The following CSMD2 variants were observed in gnomAD, a reference collection of about 807,000 sequenced individuals.
CSMD2 encodes CUB and Sushi multiple domains 2.
A neutral mutation model predicts 398.5 loss-of-function variants in CSMD2; 130 were observed. The ratio of observed to expected loss-of-function variants is 0.33; its 90% CI spans 0.28 to 0.38. The LOEUF (loss-of-function observed/expected upper bound fraction) is 0.38. Among genes scored for constraint, CSMD2 ranks in the 10% least tolerant of loss-of-function variants. CSMD2 has a pLI of 1.00. For synonymous variants in CSMD2, 1,828 were observed against 1,908.5 expected, an observed-to-expected ratio of 0.96 and a Z score of 1.10; for missense variants, 3,829 against 4,764.9, an observed-to-expected ratio of 0.80 and a Z score of 5.78.
At chr1:33,544,338 C>T (rs1402095935) in intron 57 of CSMD2, among the ~76,000 whole-genome samples, 2 of 149,156 alleles carry the variant, frequency 1.3e-5, no homozygotes, top group African/African-American at 2.5e-5. Context: ...AGGATGGTCT[C>T]GACCTCCTGA....
intron 12 of CSMD2, 89 bp downstream of exon 12, chr1:33,788,507 CAAAA>C (rs57878978): frequency 1.0e-3 from 546 of 520,320 alleles, no homozygotes; most frequent in East Asian, 1.9e-3. Flanking sequence ...GACTCCGTCT[CAAAA>C]AAAAAAAAAA....
chr1:34,060,509 G>A (rs59305409), intron 2 of CSMD2, among the ~76,000 whole-genome samples: 2 of 152,122 alleles, frequency 1.3e-5, no homozygotes, highest in South Asian at 2.1e-4. Context: ...CGGCAGCCTG[G>A]GGGGAGCTCT....
Position 34,164,401 on chromosome 1 carries a change from G to A in CSMD2, c.187+510C>T, listed in dbSNP as rs1004119491. Among the ~76,000 whole-genome samples, 2 of 152,018 alleles carry A rather than the reference G, an allele frequency of 1.3e-5. No homozygotes were observed. The highest frequency in any genetic ancestry group is 4.8e-5 in the African/African-American group (2 of 41,398). ...GCAGTCGGTTCCAGAGGGGGCACCGGTTTCAATTGGAGAAAATGGGCGGGG... is the reference window on the plus strand; with the variant it reads ...GCAGTCGGTTCCAGAGGGGGCACCGATTTCAATTGGAGAAAATGGGCGGGG... On this transcript the variant is annotated intron_variant, in intron 1 of 70. Coordinates refer to ENST00000373381, the MANE Select transcript of CSMD2 (RefSeq NM_001281956.2). This position sits in a 1 kb window ranked among gnomAD's most constrained non-coding sequence, Gnocchi z 6.2.
chr1:34,162,890 G>A (rs564722079), intron 1 of CSMD2, among the ~76,000 whole-genome samples: 2 of 152,216 alleles, frequency 1.3e-5, no homozygotes, highest in South Asian at 4.2e-4. Context: ...GAGAAGAAAA[G>A]AAAAGAAATG....
chr1:33,990,475 C>T (rs749769907), intron 3 of CSMD2, among the ~76,000 whole-genome samples: 2 of 152,108 alleles, frequency 1.3e-5, no homozygotes, highest in Non-Finnish European at 2.9e-5. Flanking sequence ...GCACGAAACA[C>T]ATTACTCTCC....
intron 6 of CSMD2, among the ~76,000 whole-genome samples, chr1:33,842,872 C>T (rs1660993619): frequency 6.6e-6 from 1 of 152,188 alleles, no homozygotes; most frequent in Non-Finnish European, 1.5e-5. Context: ...GCTTTAGACG[C>T]ATGGAAGTAG....
chr1:33,886,075 G>A (rs995331230), intron 5 of CSMD2, among the ~76,000 whole-genome samples: 1 of 152,128 alleles, frequency 6.6e-6, no homozygotes, highest in Non-Finnish European at 1.5e-5. Context: ...TCTTATGGTC[G>A]CTGATACTTA....
At position 33,514,283 on chromosome 1, in the gene CSMD2, T is replaced by A. The variant is rs1382702335; in HGVS notation, c.*2341A>T. ...ATAATGAAAAAAAAATTTACACCTT[T>A]TTTTTTTTCTTTTTTGGTACTGTAC... On this transcript the variant is annotated 3_prime_UTR_variant, in exon 71 of 71. Transcript: ENST00000373381. The A allele has an allele frequency of 2.0e-5, 3 of 151,662 alleles. 1 individual carries two copies. Among genetic ancestry groups the A allele is most frequent in the Admixed American group, 2.0e-4 (3 of 15,194 alleles). 9.4% of individuals were successfully genotyped at this position (151,662 alleles called of 1,614,324 possible). A position where few individuals can be genotyped will look rare whatever the true frequency, so the allele number is the denominator to read the frequency against.
At chr1:33,789,647 G>C (rs140519447) in intron 11 of CSMD2, among the ~76,000 whole-genome samples, 81 of 152,350 alleles carry the variant, frequency 5.3e-4, no homozygotes, top group African/African-American at 1.9e-3. Flanking sequence ...GCTTCACCCA[G>C]GGTCTCAGAG....
intron 22 of CSMD2, among the ~76,000 whole-genome samples, chr1:33,702,159 A>C (rs927301368): frequency 2.2e-4 from 34 of 152,216 alleles, no homozygotes; most frequent in African/African-American, 7.7e-4. Flanking sequence ...GTAAGTTACA[A>C]GGGGGAAAAG....
intron 2 of CSMD2, among the ~76,000 whole-genome samples, chr1:34,033,018 G>A (rs1650653862): frequency 6.6e-6 from 1 of 152,194 alleles, no homozygotes; most frequent in African/African-American, 2.4e-5. Context: ...GGTCCTGTGA[G>A]GCTCTGGGTA....
At chr1:33,587,224 G>A (rs1227235864) in intron 44 of CSMD2, 56 bp from the exon 45 acceptor site, 13 of 1,256,798 alleles carry the variant, frequency 1.0e-5, no homozygotes, top group South Asian at 4.1e-5. Context: ...CAGGTACACC[G>A]TCATTCATTT....
rs565124377 is a variant in CSMD2 at position 33,706,359 on chromosome 1, C to T, written c.3576+2730G>A. On this transcript the variant is annotated intron_variant, in intron 22 of 70. Transcript: ENST00000373381. ...ATTTCATTTTTCTGTGGTTTACCAT[C>T]TTCCGTTCATTGCCTCCATTCCATT... Among the ~76,000 whole-genome samples the T allele has an allele frequency of 7.9e-5, 12 of 152,260 alleles. No individual in the cohort carries two copies. The South Asian group carries it at 2.3e-3, about 29-fold the overall frequency.
At chr1:33,810,694 C>T in intron 10 of CSMD2, 49 bp downstream of exon 10, 1 of 1,584,244 alleles carries the variant, frequency 6.3e-7, no homozygotes, top group East Asian at 2.3e-5. Flanking sequence ...CAACTGTCCC[C>T]AACCTAGCCC....
At chr1:33,786,843 T>TCATTGTATGA (rs1653597516) in intron 12 of CSMD2, among the ~76,000 whole-genome samples, 1 of 152,212 alleles carries the variant, frequency 6.6e-6, no homozygotes, top group Non-Finnish European at 1.5e-5. Context: ...CCAGGAGACA[T>TCATTGTATGA]CATTGTATGA....
rs889757025 is a variant in CSMD2 at position 33,518,362 on chromosome 1, G to A, written c.*53+1103C>T. Reference sequence around the variant, plus strand: ...CAGTTCCTTCCCAGTGGGCCTGTCAGATGCATGCCTGTGTGCATGTATGCG... The same window carrying A: ...CAGTTCCTTCCCAGTGGGCCTGTCAAATGCATGCCTGTGTGCATGTATGCG... On this transcript the variant is annotated intron_variant, in intron 70 of 70. Coordinates refer to ENST00000373381, the MANE Select transcript of CSMD2 (RefSeq NM_001281956.2). The surrounding 1 kb of genome is among the most constrained non-coding windows in gnomAD (Gnocchi z 4.3). Among the ~76,000 whole-genome samples, 5 of 151,164 alleles carry A rather than the reference G, an allele frequency of 3.3e-5. No homozygotes were observed. Among genetic ancestry groups the A allele is most frequent in the African/African-American group, 1.2e-4 (5 of 40,898 alleles).
At chr1:33,664,336 A>G (rs1402231327) in intron 25 of CSMD2, among the ~76,000 whole-genome samples, 3 of 152,172 alleles carry the variant, frequency 2.0e-5, no homozygotes, top group South Asian at 2.1e-4. Context: ...ATTTAATACT[A>G]TATCATGGAC....
At chr1:33,771,880 TC>T (rs1651316165) in intron 13 of CSMD2, among the ~76,000 whole-genome samples, 2 of 152,228 alleles carry the variant, frequency 1.3e-5, no homozygotes, top group South Asian at 4.2e-4. Flanking sequence ...TGTCTGGGCC[TC>T]CCTTGGCTAC....
At chr1:33,684,512 T>C (rs1260759058) in intron 25 of CSMD2, among the ~76,000 whole-genome samples, 2 of 152,088 alleles carry the variant, frequency 1.3e-5, no homozygotes, top group African/African-American at 4.8e-5. Flanking sequence ...CGAACCACAT[T>C]TGCGCATAAG....
Sources: gnomAD v4.1 joint callset for allele counts (sites outside exome capture counted in the v4.1 genomes callset) on GRCh38, gnomAD v4.1.1 for gene constraint, Gnocchi (gnomAD v3.1) non-coding constraint, MANE v1.5 for transcripts, NCBI Gene and HGNC (gene_info 2026-07-23, HGNC 2026-07-21) for gene names.